Variants in KIDINS220 observed in about 807,000 individuals in gnomAD.
KIDINS220 encodes the protein kinase D-interacting substrate of 220 kDa.
A neutral mutation model predicts 157.6 loss-of-function variants in KIDINS220; 63 were observed. The ratio of observed to expected loss-of-function variants is 0.40; its 90% CI spans 0.33 to 0.49. The LOEUF is 0.49. Among genes scored for constraint, KIDINS220 ranks in the 20% least tolerant of loss-of-function variants. The probability of loss-of-function intolerance (pLI) is 0.66; values close to 1 mark genes in which losing one functional copy is unlikely to be tolerated. For synonymous variants in KIDINS220, 732 were observed against 783.6 expected (o/e 0.93, Z 1.10); for missense variants, 1,772 against 2,171.2 (o/e 0.82, Z 3.65).
At chr2:8,759,837 G>A (rs1668527097) in intron 22 of KIDINS220, among the ~76,000 whole-genome samples, 1 of 152,232 alleles carries the variant, frequency 6.6e-6, no homozygotes, top group African/African-American at 2.4e-5. Flanking sequence ...CCTACTGTCT[G>A]CCATTCTCTG....
At chr2:8,795,311 T>C (rs1673756505) in intron 11 of KIDINS220, among the ~76,000 whole-genome samples, 1 of 152,186 alleles carries the variant, frequency 6.6e-6, no homozygotes, top group Non-Finnish European at 1.5e-5. Context: ...TTTTCCCATC[T>C]CAATTCCAAT....
downstream of KIDINS220, among the ~76,000 whole-genome samples, chr2:8,726,702 C>T (rs1468453737): frequency 2.6e-5 from 4 of 152,116 alleles, no homozygotes; most frequent in Non-Finnish European, 4.4e-5. Context: ...CTGTACAGCA[C>T]GGTACTGAAT....
chr2:8,764,764 C>T lies in KIDINS220; in HGVS notation c.3011+5906G>A, dbSNP rs185758917. Among the ~76,000 whole-genome samples the T allele has an allele frequency of 4.5e-4, 68 of 152,308 alleles. 1 individual carries two copies. The highest frequency in any genetic ancestry group is 1.0e-3 in the African/African-American group (43 of 41,572). On this transcript the variant is annotated intron_variant, in intron 22 of 29. Coordinates refer to ENST00000256707, the MANE Select transcript of KIDINS220 (RefSeq NM_020738.4). Reference sequence around the variant, plus strand: ...TACCACCTCCCCAATTCATGCCTTCCTCAATCCAAAAGTTATCATCAGATT... The same window carrying T: ...TACCACCTCCCCAATTCATGCCTTCTTCAATCCAAAAGTTATCATCAGATT...
rs1208215597 is a variant in KIDINS220, at chr2:8,785,664, T to G, written c.2229+77A>C. 3.2e-6 allele frequency: 4 copies of G among 1,243,436 alleles called. No homozygotes were observed. In the South Asian group the frequency reaches 4.3e-5, roughly 13 times the overall value. The allele number at this position is 1,243,436 out of a possible 1,614,324, so 77.0% of individuals were successfully genotyped here. ...ACACTTTAACATTTAGAGAGTGTAC[T>G]TCCTAAAGCCCAAATGAGCATGGCA... On this transcript the variant is annotated intron_variant, in intron 17 of 29. Transcript: ENST00000256707.
intron 26 of KIDINS220, among the ~76,000 whole-genome samples, chr2:8,743,297 T>C (rs914412882): frequency 4.6e-5 from 7 of 152,206 alleles, no homozygotes; most frequent in African/African-American, 9.7e-5. Flanking sequence ...TCTAAACTGA[T>C]TGGAGTATTT....
chr2:8,830,679 A>G (rs1393722946), intron 1 of KIDINS220, among the ~76,000 whole-genome samples: 2 of 152,104 alleles, frequency 1.3e-5, no homozygotes, highest in Non-Finnish European at 2.9e-5. Flanking sequence ...TCTGCCTCCC[A>G]AAGTGTTGGG....
At chr2:8,760,174 A>G (rs1358313689) in intron 22 of KIDINS220, among the ~76,000 whole-genome samples, 1 of 152,252 alleles carries the variant, frequency 6.6e-6, no homozygotes, top group Non-Finnish European at 1.5e-5. Flanking sequence ...ATCAACAAAT[A>G]AGCTGTGCTC....
chr2:8,733,397 G>A (rs776179799), intron 29 of KIDINS220, 47 bp downstream of exon 29: 6 of 1,447,586 alleles, frequency 4.1e-6, no homozygotes, highest in African/African-American at 1.4e-5. Flanking sequence ...TGAACTGAAC[G>A]GTGTGCTTAT....
chr2:8,737,012 A>T lies in KIDINS220; in HGVS notation c.3586-13T>A. On this transcript the variant is annotated splice_polypyrimidine_tract_variant and intron_variant, in intron 26 of 29. Transcript: ENST00000256707. The stretch of plus-strand genomic sequence containing the variant: ...CTGGGCCTGACCCCTAGAGAAGTCA[A>T]GGAAAAATACAGGTATGAATAAGCA... The T allele has an allele frequency of 6.2e-7, 1 of 1,613,752 alleles. No individual in the cohort carries two copies. Among genetic ancestry groups the T allele is most frequent in the Non-Finnish European group, 8.5e-7 (1 of 1,179,736 alleles).
chr2:8,758,088 C>T lies in KIDINS220; in HGVS notation c.3012-6444G>A, dbSNP rs539307754. Among the ~76,000 whole-genome samples, 37 of 152,296 alleles carry T rather than the reference C, an allele frequency of 2.4e-4. No homozygotes were observed. In the South Asian group the frequency reaches 7.7e-3, roughly 32 times the overall value. ...ATGCTGGCCAGGCTGGTCTCGAACT[C>T]CTGACCTCAGGTGATCTGCCTGCAT... On this transcript the variant is annotated intron_variant, in intron 22 of 29. Coordinates refer to ENST00000256707, the MANE Select transcript of KIDINS220 (RefSeq NM_020738.4).
At chr2:8,778,807 CAAT>C (rs1019122306) in intron 19 of KIDINS220, 80 bp from the exon 20 acceptor site, 12 of 1,591,896 alleles carry the variant, frequency 7.5e-6, no homozygotes, top group African/African-American at 6.7e-5. Context: ...GAAACAACAA[CAAT>C]ATTTTTCAAG....
intron 2 of KIDINS220, among the ~76,000 whole-genome samples, chr2:8,823,033 T>C (rs1230032160): frequency 6.6e-6 from 1 of 152,194 alleles, no homozygotes; most frequent in Non-Finnish European, 1.5e-5. Flanking sequence ...TGAAGTGTAG[T>C]GGTGCAGTCA....
chr2:8,805,984 A>T (rs1675387624), intron 7 of KIDINS220, among the ~76,000 whole-genome samples: 1 of 152,170 alleles, frequency 6.6e-6, no homozygotes, highest in South Asian at 2.1e-4. Flanking sequence ...TCATTAAGCG[A>T]CACATAACTC....
In KIDINS220 at chr2:8,827,108, G is replaced by A; in HGVS notation, c.-15C>T. The A allele has an allele frequency of 1.4e-6, 2 of 1,417,528 alleles. No individual in the cohort carries two copies. The highest frequency in any genetic ancestry group is 2.0e-6 in the Non-Finnish European group (2 of 1,015,754). 87.8% of individuals were successfully genotyped at this position (1,417,528 alleles called of 1,614,324 possible). On this transcript the variant is annotated 5_prime_UTR_variant, in exon 2 of 30. Coordinates refer to ENST00000256707, the MANE Select transcript of KIDINS220 (RefSeq NM_020738.4). ...AAAACTGACATTTTCACAGAAAGCT[G>A]CAATTAACTTTATTTGAATACCTGT...
At chr2:8,775,501 G>A (rs1421356213) in intron 21 of KIDINS220, among the ~76,000 whole-genome samples, 1 of 152,188 alleles carries the variant, frequency 6.6e-6, no homozygotes, top group Non-Finnish European at 1.5e-5. Flanking sequence ...CAAAGAGGAA[G>A]AGTGATCAAC....
chr2:8,773,484 T>C (rs953886379), intron 21 of KIDINS220, among the ~76,000 whole-genome samples: 1 of 151,816 alleles, frequency 6.6e-6, no homozygotes, highest in African/African-American at 2.4e-5. Flanking sequence ...TTCTTTTTTT[T>C]TTTTTTAAGA....
chr2:8,811,828 A>G (rs140162932), intron 6 of KIDINS220, among the ~76,000 whole-genome samples: 156 of 152,240 alleles, frequency 1.0e-3, no homozygotes, highest in African/African-American at 3.6e-3. Context: ...AGGTGATGGC[A>G]AATGGGCAGA....
intron 9 of KIDINS220, among the ~76,000 whole-genome samples, chr2:8,799,477 A>C (rs1012606821): frequency 3.9e-5 from 6 of 151,982 alleles, no homozygotes; most frequent in South Asian, 2.1e-4. Context: ...AACTTAGCTC[A>C]AGTTCTACCT....
chr2:8,799,776 G>A (rs1674440293), intron 9 of KIDINS220, among the ~76,000 whole-genome samples: 1 of 152,200 alleles, frequency 6.6e-6, no homozygotes, highest in African/African-American at 2.4e-5. Flanking sequence ...GAGCAGAAAT[G>A]TAGACTGTCC....
Sources: allele counts gnomAD v4.1 joint callset (sites outside exome capture counted in the v4.1 genomes callset), GRCh38; gene constraint gnomAD v4.1.1; transcripts MANE v1.5; gene names NCBI Gene and HGNC (gene_info 2026-07-23, HGNC 2026-07-21).